The following DAZAP2 variants were observed in gnomAD, a reference collection of about 807,000 sequenced individuals.
DAZAP2 encodes the protein DAZ-associated protein 2.
In DAZAP2, 3 loss-of-function variants were observed where a neutral mutation model predicts 16.2. The observed-to-expected ratio is 0.19, with a 90% CI of 0.08 to 0.48. DAZAP2 has a LOEUF of 0.48. Ranked by LOEUF, DAZAP2 falls within the 20% of genes least tolerant of loss-of-function variation. The pLI, the probability that DAZAP2 is intolerant of heterozygous loss-of-function variation, is 0.98. For synonymous variants in DAZAP2, 69 were observed against 77.6 expected (o/e 0.89, Z 0.58); for missense variants, 172 against 215.9 (o/e 0.80, Z 1.27).
Position 51,243,145 on chromosome 12 carries a change from C to T in DAZAP2, c.*687C>T, listed in dbSNP as rs1270997156. The T allele has an allele frequency of 1.0e-6, 1 of 986,028 alleles. No homozygotes were observed. Among genetic ancestry groups the T allele is most frequent in the Non-Finnish European group, 1.2e-6 (1 of 830,264 alleles). The allele number at this position is 986,028 out of a possible 1,614,324, so 61.1% of individuals were successfully genotyped here. ...GCCATTACTTCTGCTTTCGTATCTC[C>T]TCAGGCAAAAGTGGAGGGTGCCTTA... On this transcript the variant is annotated 3_prime_UTR_variant, in exon 4 of 4. Transcript: ENST00000412716.
chr12:51,238,950 G>T (rs767379825), intron 1 of DAZAP2, 30 bp downstream of exon 1: 5 of 1,612,818 alleles, frequency 3.1e-6, no homozygotes, highest in East Asian at 2.2e-5. Flanking sequence ...GAGGCCGTCG[G>T]GGGGAGTACT....
chr12:51,242,879 A>G lies in DAZAP2; in HGVS notation c.*421A>G. 1 of 1,294,484 alleles carries G rather than the reference A, an allele frequency of 7.7e-7. No homozygotes were observed. Among genetic ancestry groups the G allele is most frequent in the Admixed American group, 3.9e-5 (1 of 25,392 alleles). The allele number at this position is 1,294,484 out of a possible 1,614,324, so 80.2% of individuals were successfully genotyped here. A position where few individuals can be genotyped will look rare whatever the true frequency, so the allele number is the denominator to read the frequency against. On this transcript the variant is annotated 3_prime_UTR_variant, in exon 4 of 4. Transcript: ENST00000412716. ...CTCCTTTAAGTCTTTGATATATATTACTTGTTATAAATGGAACGCATTAGT... is the reference window on the plus strand; with the variant it reads ...CTCCTTTAAGTCTTTGATATATATTGCTTGTTATAAATGGAACGCATTAGT...
intron 1 of DAZAP2, 188 bp downstream of exon 1, chr12:51,239,108 A>G (rs1177951403): frequency 1.2e-6 from 1 of 806,976 alleles, no homozygotes. Context: ...TGCTGCCTCC[A>G]GGCCCTTTCC....
downstream of DAZAP2, chr12:51,244,544 A>G (rs536892982): frequency 2.6e-5 from 4 of 152,280 alleles, no homozygotes; most frequent in South Asian, 6.2e-4. Context: ...AGCTTGGACA[A>G]CAGAGGCAAT....
downstream of DAZAP2, chr12:51,245,969 C>G: frequency 1.9e-6 from 3 of 1,613,838 alleles, no homozygotes; most frequent in Non-Finnish European, 2.5e-6. Flanking sequence ...TTTCTCGCTG[C>G]CCTTGGCCAA....
At chr12:51,245,283 G>A (rs13377877), downstream of DAZAP2, 1 of 152,448 alleles carries the variant, frequency 6.6e-6, no homozygotes, top group Admixed American at 6.5e-5. Context: ...ATAGGGAAAA[G>A]AAAATGTCAA....
intron 1 of DAZAP2, 155 bp downstream of exon 1, chr12:51,239,075 G>C: frequency 9.4e-7 from 1 of 1,069,004 alleles, no homozygotes; most frequent in Non-Finnish European, 1.3e-6. Context: ...TGACGCCTTC[G>C]TCATACCCAA....
At chr12:51,244,162 ACT>A (rs1304408526), downstream of DAZAP2, among the ~76,000 whole-genome samples, 1 of 152,040 alleles carries the variant, frequency 6.6e-6, no homozygotes, top group Non-Finnish European at 1.5e-5. Context: ...AATACTGAAA[ACT>A]CATAGAATCT....
At chr12:51,240,686 T>C (rs1944659584) in intron 2 of DAZAP2, 185 bp from the exon 3 acceptor site, 1 of 914,844 alleles carries the variant, frequency 1.1e-6, no homozygotes, top group East Asian at 2.6e-5. Flanking sequence ...TTGCGTTCTG[T>C]GAGCCCAACA....
downstream of DAZAP2, chr12:51,246,037 G>A (rs767515702): frequency 1.9e-5 from 31 of 1,613,840 alleles, no homozygotes; most frequent in East Asian, 2.7e-4. Flanking sequence ...CATAGGTGAC[G>A]TAGCTGCCTT....
chr12:51,239,439 C>T (rs1311427920), intron 1 of DAZAP2: 1 of 145,914 alleles, frequency 6.9e-6, no homozygotes, highest in African/African-American at 2.6e-5. Flanking sequence ...ACATGATTCC[C>T]ATAACGCAGG....
rs772970562 is a variant in DAZAP2, at chr12:51,242,406, G to A, written c.455G>A (p.Arg152Gln). 11 of 1,614,020 alleles carry A rather than the reference G, an allele frequency of 6.8e-6. No individual in the cohort carries two copies. The highest frequency in any genetic ancestry group is 1.1e-5 in the South Asian group (1 of 91,078). Residue 152 changes from arginine to glutamine, a missense_variant, in exon 4 of 4, where the codon CGG (arginine) becomes CAG (glutamine). Arg to Gln is a conservative substitution (Grantham distance 43). Transcript: ENST00000412716. The stretch of plus-strand genomic sequence containing the variant: ...GGAGCCAACGTCCTCGTAACTCAGC[G>A]GAAGGGGAACTTCTTCATGGGTGGT... ...MQGANVLVTQ[R>Q]KGNFFMGGSD...
intron 2 of DAZAP2, 106 bp from the exon 3 acceptor site, chr12:51,240,765 C>A: frequency 6.8e-7 from 1 of 1,465,964 alleles, no homozygotes; most frequent in Non-Finnish European, 9.2e-7. Flanking sequence ...TATAATCTTA[C>A]AAAAAGTATA....
rs769680487 is a variant in DAZAP2 at position 51,240,938 on chromosome 12, G to A, written c.200G>A (p.Gly67Glu). ...CCCACCATGTCAGCCGCATTTCCTG[G>A]AGCCTCTCTGTATCTTCCCATGGCC... ...TVPTMSAAFP[G>E]ASLYLPMAQS... The change falls in exon 3 of 4, where the codon GGA becomes GAA. Residue 67 changes from glycine (G) to glutamate (E), a missense_variant. Transcript: ENST00000412716. The A allele has an allele frequency of 3.9e-5, 63 of 1,614,144 alleles. No individual in the cohort carries two copies. Among genetic ancestry groups the A allele is most frequent in the Non-Finnish European group, 5.3e-5 (62 of 1,180,042 alleles).
chr12:51,238,892 C>T lies in DAZAP2; in HGVS notation c.-16C>T, dbSNP rs562010862. 6 of 1,613,308 alleles carry T rather than the reference C, an allele frequency of 3.7e-6. No homozygotes were observed. The African/African-American group carries it at 6.7e-5, about 18-fold the overall frequency. The stretch of plus-strand genomic sequence containing the variant: ...AACCGTCCGCGACGCCGAGACAAAC[C>T]GGACCCGCAACCACCATGAACAGCA... On this transcript the variant is annotated 5_prime_UTR_variant, in exon 1 of 4. Coordinates refer to ENST00000412716, the MANE Select transcript of DAZAP2 (RefSeq NM_014764.4).
Position 51,243,338 on chromosome 12 carries a change from G to A in DAZAP2, c.*880G>A. The stretch of plus-strand genomic sequence containing the variant: ...GGAGGAGGATGCATTTCAAAAGCTT[G>A]ATTGATGTGTTCAGAGCTAAATTAA... On this transcript the variant is annotated 3_prime_UTR_variant, in exon 4 of 4. Coordinates refer to ENST00000412716, the MANE Select transcript of DAZAP2 (RefSeq NM_014764.4). 6.1e-6 allele frequency: 6 copies of A among 985,790 alleles called. No homozygotes were observed. The highest frequency in any genetic ancestry group is 7.2e-6 in the Non-Finnish European group (6 of 829,944). 61.1% of individuals were successfully genotyped at this position (985,790 alleles called of 1,614,324 possible).
Position 51,241,086 on chromosome 12 carries a change from T to C in DAZAP2, c.348T>C (p.Phe116=), listed in dbSNP as rs765661580. 6.2e-7 allele frequency: 1 copy of C among 1,614,242 alleles called. No individual in the cohort carries two copies. Among genetic ancestry groups the C allele is most frequent in the Non-Finnish European group, 8.5e-7 (1 of 1,180,050 alleles). ...GAGGGTATGATGCAGGTGCCAGATT[T>C]GGAGCTGGGGCTACTGCTGGCAACA... The part of the protein sequence containing the change: ...VEGGYDAGAR[F]GAGATAGNIP... The change falls in exon 3 of 4, where the codon TTT becomes TTC. Residue 116 remains phenylalanine (F), a synonymous_variant. Coordinates refer to ENST00000412716, the MANE Select transcript of DAZAP2 (RefSeq NM_014764.4).
At chr12:51,243,966 G>T, downstream of DAZAP2, 2 of 972,882 alleles carry the variant, frequency 2.1e-6, no homozygotes, top group Non-Finnish European at 2.4e-6. Context: ...CATTCCAGAT[G>T]TTCAACTTTT....
Position 51,242,111 on chromosome 12 carries a change from G to T in DAZAP2, c.379-219G>T, listed in dbSNP as rs1289729518. On this transcript the variant is annotated intron_variant, in intron 3 of 3. Coordinates refer to ENST00000412716, the MANE Select transcript of DAZAP2 (RefSeq NM_014764.4). ...AGCCATAGGCTTCATCTTAGAGCTGGAACCCTTTGAATGAGTGGTAGGCTC... is the reference window on the plus strand; with the variant it reads ...AGCCATAGGCTTCATCTTAGAGCTGTAACCCTTTGAATGAGTGGTAGGCTC... 2.0e-5 allele frequency among the ~76,000 whole-genome samples: 3 copies of T among 152,000 alleles called. No homozygotes were observed. The East Asian group carries it at 5.8e-4, about 29-fold the overall frequency.
Sources: gnomAD v4.1 joint callset for allele counts (sites outside exome capture counted in the v4.1 genomes callset) on GRCh38, gnomAD v4.1.1 for gene constraint, MANE v1.5 for transcripts, NCBI Gene and HGNC (gene_info 2026-07-23, HGNC 2026-07-21) for gene names.